KTN1: variants seen among roughly 807,000 people sequenced by gnomAD.
KTN1 encodes kinectin 1, also known as kinectin.
A neutral mutation model predicts 222.5 loss-of-function variants in KTN1; 130 were observed. The ratio of observed to expected loss-of-function variants is 0.58; its 90% CI spans 0.51 to 0.68. The LOEUF (loss-of-function observed/expected upper bound fraction) is 0.68. Among genes scored for constraint, KTN1 ranks in the 30% least tolerant of loss-of-function variants. The pLI is 0.00. For missense variants in KTN1, 1,508 were observed against 1,500.4 expected (o/e 1.01, Z -0.08); for synonymous variants, 512 against 496.3 (o/e 1.03, Z -0.42).
intron 1 of KTN1, among the ~76,000 whole-genome samples, chr14:55,581,442 GGTGTGTGTGTGTGTGTGA>G (rs1555352518): frequency 4.0e-5 from 6 of 150,664 alleles, no homozygotes; most frequent in Non-Finnish European, 8.9e-5. Flanking sequence ...TAACTGTTAA[GGTGTGTGTGTGTGTGTGA>G]GTGTGTGTGT....
At chr14:55,637,642 A>T (rs1347319984) in intron 11 of KTN1, 137 bp from the exon 12 acceptor site, 8 of 648,292 alleles carry the variant, frequency 1.2e-5, no homozygotes, top group African/African-American at 7.3e-5. Flanking sequence ...GTTTAAAATA[A>T]TGCCTTTTGG....
At chr14:55,593,400 C>T (rs2034467839) in intron 1 of KTN1, among the ~76,000 whole-genome samples, 1 of 144,500 alleles carries the variant, frequency 6.9e-6, no homozygotes, top group Non-Finnish European at 1.5e-5. Flanking sequence ...GAAATTTAAT[C>T]TTATTTTTGA....
intron 1 of KTN1, among the ~76,000 whole-genome samples, chr14:55,583,813 G>T (rs28366673): frequency 0.02 from 2,986 of 152,132 alleles, 57 homozygotes; most frequent in African/African-American, 0.051. Context: ...CTAAATTTCC[G>T]TATTTTTCCT....
Position 55,616,674 on chromosome 14 carries a change from A to G in KTN1, c.661+20A>G. The G allele has an allele frequency of 6.4e-7, 1 of 1,568,746 alleles. No homozygotes were observed. The highest frequency in any genetic ancestry group is 8.6e-7 in the Non-Finnish European group (1 of 1,161,484). On this transcript the variant is annotated intron_variant, in intron 3 of 43. Transcript: ENST00000395314. ...AAAATGGTGAGATGTTTAGATATGT[A>G]TTTTTATAATGCTAATTCTAGAGAA...
chr14:55,666,403 T>A (rs1245792142), intron 33 of KTN1, among the ~76,000 whole-genome samples: 1 of 151,916 alleles, frequency 6.6e-6, no homozygotes, highest in Non-Finnish European at 1.5e-5. Context: ...GGTTTAGATG[T>A]GCATTTTTAT....
intron 6 of KTN1, among the ~76,000 whole-genome samples, chr14:55,629,417 CAA>C (rs58348373): frequency 1.2e-4 from 6 of 49,136 alleles, no homozygotes; most frequent in Non-Finnish European, 8.4e-5. Flanking sequence ...GACTCCGTCT[CAA>C]AAAAAAAAAA....
intron 4 of KTN1, 149 bp downstream of exon 4, chr14:55,618,283 C>T: frequency 1.8e-6 from 1 of 557,958 alleles, no homozygotes; most frequent in Non-Finnish European, 2.9e-6. Flanking sequence ...GTCTTTTAGT[C>T]CAGCCTCCTC....
In KTN1 at chr14:55,637,976, T is replaced by G. The variant is rs1318365457; in HGVS notation, c.1785+129T>G. 5 of 648,338 alleles carry G rather than the reference T, an allele frequency of 7.7e-6. No individual in the cohort carries two copies. In the African/African-American group the frequency reaches 9.0e-5, roughly 12 times the overall value. The allele number at this position is 648,338 out of a possible 1,614,324, so 40.2% of individuals were successfully genotyped here. A position where few individuals can be genotyped will look rare whatever the true frequency, so the allele number is the denominator to read the frequency against. ...TAGTCAATGAATCAACAAATGATGA[T>G]CCTGAGTGCTAAACACTTGCTAATT... is the stretch of plus-strand genomic sequence containing the variant. On this transcript the variant is annotated intron_variant, in intron 12 of 43. Coordinates refer to ENST00000395314, the MANE Select transcript of KTN1 (RefSeq NM_001079521.2).
chr14:55,639,776 T>G, intron 13 of KTN1, 137 bp from the exon 14 acceptor site: 1 of 602,902 alleles, frequency 1.7e-6, no homozygotes, highest in Non-Finnish European at 3.0e-6. Flanking sequence ...CAGTTGTTAG[T>G]AAACTGAAAG....
Position 55,640,532 on chromosome 14 carries a change from T to C in KTN1, c.1983+90T>C, listed in dbSNP as rs563803826. On this transcript the variant is annotated intron_variant, in intron 15 of 43. Transcript: ENST00000395314. ...GATATTGTGAGCCCCAATTTGATTG[T>C]GTAAGTAAAAAATATAATGGTTTAT... 15 of 863,548 alleles carry C rather than the reference T, an allele frequency of 1.7e-5. No individual in the cohort carries two copies. The African/African-American group carries it at 1.9e-4, about 11-fold the overall frequency. 53.5% of individuals were successfully genotyped at this position (863,548 alleles called of 1,614,324 possible).
chr14:55,651,830 A>G (rs2042957079), intron 24 of KTN1, 60 bp from the exon 25 acceptor site: 1 of 1,096,348 alleles, frequency 9.1e-7, no homozygotes, highest in Non-Finnish European at 1.4e-6. Context: ...AAGACTTATA[A>G]AGCTTAATAA....
intron 42 of KTN1, chr14:55,679,149 A>G (rs1486880094): frequency 1.2e-5 from 2 of 164,148 alleles, no homozygotes; most frequent in African/African-American, 4.8e-5. Flanking sequence ...TTAATACATA[A>G]AACACTTAAA....
rs773350573 is a variant in KTN1 at position 55,629,980 on chromosome 14, A to C, written c.1104A>C (p.Arg368Ser). ...AGGAAATGATGACAGAGAAAGAAAG[A>C]AGCAATGTGGTTATAACAAGGATGA... Reference protein sequence around the residue: ...LTQEMMTEKERSNVVITRMKD... With the variant: ...LTQEMMTEKESSNVVITRMKD... Residue 368 changes from arginine (R) to serine (S), a missense_variant, in exon 7 of 44, where the codon AGA (arginine) becomes AGC (serine). Coordinates refer to ENST00000395314, the MANE Select transcript of KTN1 (RefSeq NM_001079521.2). 5.0e-6 allele frequency: 8 copies of C among 1,598,370 alleles called. No homozygotes were observed. Among genetic ancestry groups the C allele is most frequent in the Non-Finnish European group, 6.9e-6 (8 of 1,166,868 alleles).
intron 29 of KTN1, 57 bp from the exon 30 acceptor site, chr14:55,658,489 T>C: frequency 4.0e-6 from 4 of 1,012,244 alleles, no homozygotes; most frequent in Non-Finnish European, 6.3e-6. Context: ...TTGTATGATC[T>C]AAGTTTATGT....
chr14:55,616,414 A>C, intron 2 of KTN1, 103 bp from the exon 3 acceptor site: 1 of 1,089,478 alleles, frequency 9.2e-7, no homozygotes, highest in Non-Finnish European at 1.3e-6. Context: ...TCAGACTTTA[A>C]ATTTTTAGTG....
At chr14:55,620,080 G>A (rs1384634809) in intron 5 of KTN1, among the ~76,000 whole-genome samples, 1 of 152,074 alleles carries the variant, frequency 6.6e-6, no homozygotes, top group East Asian at 1.9e-4. Context: ...AAAATAAAAG[G>A]GCTACAGGCC....
At chr14:55,616,087 A>AT (rs979865209) in intron 2 of KTN1, among the ~76,000 whole-genome samples, 6 of 150,902 alleles carry the variant, frequency 4.0e-5, no homozygotes, top group African/African-American at 1.2e-4. Flanking sequence ...AATTTTTTTT[A>AT]TTTTTTTCGT....
chr14:55,674,738 T>C (rs2045750697), intron 40 of KTN1: 1 of 152,178 alleles, frequency 6.6e-6, no homozygotes, highest in South Asian at 2.1e-4. Context: ...TTTTTATCCC[T>C]CTACTTCTGT....
chr14:55,677,365 T>C (rs1185554266), intron 41 of KTN1, among the ~76,000 whole-genome samples: 1 of 150,982 alleles, frequency 6.6e-6, no homozygotes, highest in Non-Finnish European at 1.5e-5. Flanking sequence ...CAGTCTCAGC[T>C]ACTCAGGAGG....
Sources: allele counts gnomAD v4.1 joint callset (sites outside exome capture counted in the v4.1 genomes callset), GRCh38; gene constraint gnomAD v4.1.1; transcripts MANE v1.5; gene names NCBI Gene and HGNC (gene_info 2026-07-23, HGNC 2026-07-21).